CFAP74: variants seen among roughly 807,000 people sequenced by gnomAD.
The protein encoded by CFAP74 is cilia and flagella associated protein 74.
In CFAP74, 124 loss-of-function variants were observed where a neutral mutation model predicts 188.9. That is an observed-to-expected ratio of 0.66 (90% CI 0.57 to 0.76). The LOEUF is 0.76. Among genes scored for constraint, CFAP74 ranks in the 30% least tolerant of loss-of-function variants. CFAP74 has a pLI of 0.00. For missense variants in CFAP74, 2,198 were observed against 2,165.2 expected, an observed-to-expected ratio of 1.02 and a Z score of -0.30; for synonymous variants, 956 against 916.7, an observed-to-expected ratio of 1.04 and a Z score of -0.77.
rs1480680320 is a variant in CFAP74, at chr1:1,927,600, G to A, written c.3527+7C>T. ...GAAGCAGGTGGGGCAGCCCCTCCTG[G>A]ACCCACCTGGGCCTCAGCTCCCGCT... On this transcript the variant is annotated splice_region_variant and intron_variant, in intron 28 of 38. Coordinates refer to ENST00000682832, the MANE Select transcript of CFAP74 (RefSeq NM_001304360.2). The A allele has an allele frequency of 2.6e-6, 4 of 1,548,288 alleles. No individual in the cohort carries two copies. Among genetic ancestry groups the A allele is most frequent in the African/African-American group, 2.7e-5 (2 of 73,036 alleles).
chr1:1,927,531 A>T (rs1465904574), intron 28 of CFAP74, 76 bp downstream of exon 28: 1 of 1,327,976 alleles, frequency 7.5e-7, no homozygotes, highest in Non-Finnish European at 1.0e-6. Context: ...TAGGGAGGGG[A>T]CTCTACAGGG....
chr1:1,924,364 A>AC, intron 34 of CFAP74, 27 bp downstream of exon 34: 2 of 51,040 alleles, frequency 3.9e-5, no homozygotes, highest in South Asian at 1.0e-4. Context: ...CCCGCAGCTC[A>AC]CCACCCACCC....
Position 1,974,201 on chromosome 1 carries a change from T to C in CFAP74, c.501-3A>G. 6.3e-7 allele frequency: 1 copy of C among 1,588,020 alleles called. No individual in the cohort carries two copies. The highest frequency in any genetic ancestry group is 8.6e-7 in the Non-Finnish European group (1 of 1,163,584). On this transcript the variant is annotated splice_region_variant and splice_polypyrimidine_tract_variant and intron_variant, in intron 6 of 38. Transcript: ENST00000682832. ...TCTCGATGTGCCACATGGTGTTCCT[T>C]CAAACAAGAGGCAAAGCAGCTGGAG...
chr1:1,982,438 C>T (rs930175319), intron 6 of CFAP74, among the ~76,000 whole-genome samples: 9 of 152,240 alleles, frequency 5.9e-5, no homozygotes, highest in East Asian at 3.9e-4. Context: ...CACGGGGACA[C>T]GCATATGCAT....
chr1:1,953,569 T>C (rs1311852997), intron 18 of CFAP74: 1 of 153,622 alleles, frequency 6.5e-6, no homozygotes, highest in Non-Finnish European at 1.5e-5. Flanking sequence ...AGTTCTGGGA[T>C]TACAGGCATG....
intron 21 of CFAP74, among the ~76,000 whole-genome samples, chr1:1,943,062 A>G (rs1018420364): frequency 4.6e-5 from 7 of 152,050 alleles, no homozygotes; most frequent in African/African-American, 9.6e-5. Flanking sequence ...GTGCTCAGAG[A>G]CCGCGCCCTC....
chr1:1,963,311 C>T (rs914658862), intron 14 of CFAP74, among the ~76,000 whole-genome samples: 1 of 151,838 alleles, frequency 6.6e-6, no homozygotes, highest in African/African-American at 2.4e-5. Context: ...ATTAGCCAGG[C>T]GTAGTGGCAG....
rs911088330 is a variant in CFAP74, at chr1:1,959,728, C to T, written c.1761+236G>A. Among the ~76,000 whole-genome samples, 13 of 152,330 alleles carry T rather than the reference C, an allele frequency of 8.5e-5. No individual in the cohort carries two copies. In the East Asian group the frequency reaches 2.1e-3, roughly 25 times the overall value. ...CATCCCAGCCCTCCCGACTTAGACC[C>T]GAGAGTGCACGCCCTCGGCCACTAA... is the stretch of plus-strand genomic sequence containing the variant. On this transcript the variant is annotated intron_variant, in intron 15 of 38. Transcript: ENST00000682832.
intron 1 of CFAP74, among the ~76,000 whole-genome samples, chr1:1,993,410 A>G (rs1336695511): frequency 1.3e-5 from 2 of 151,312 alleles, no homozygotes; most frequent in East Asian, 2.0e-4. Flanking sequence ...TCAGCCTCCC[A>G]AAGGAGCTGG....
At chr1:1,998,076 G>C (rs373973564) in intron 1 of CFAP74, among the ~76,000 whole-genome samples, 2 of 152,128 alleles carry the variant, frequency 1.3e-5, no homozygotes, top group Admixed American at 1.3e-4. Flanking sequence ...TCAGGAGTTC[G>C]AGACCTGCCT....
chr1:1,968,753 C>A lies in CFAP74; in HGVS notation c.1127G>T (p.Arg376Met). 6.2e-7 allele frequency: 1 copy of A among 1,613,894 alleles called. No individual in the cohort carries two copies. The highest frequency in any genetic ancestry group is 1.1e-5 in the South Asian group (1 of 91,084). Reference sequence around the variant, plus strand: ...ACTGGTGGGGGGATGCTGTTTCTTCCTCTTTTCCTCCTCAGCCTCCTCTTT... The same window carrying A: ...ACTGGTGGGGGGATGCTGTTTCTTCATCTTTTCCTCCTCAGCCTCCTCTTT... ...ILKEEAEEEK[R>M]KKQHPPTSAR... is the part of the protein sequence containing the mutation. Residue 376 changes from arginine to methionine, a missense_variant, in exon 11 of 39, where the codon AGG becomes ATG. By Grantham distance (91) the Arg-to-Met change is moderately conservative. Coordinates refer to ENST00000682832, the MANE Select transcript of CFAP74 (RefSeq NM_001304360.2). This position sits in a 1 kb window ranked among gnomAD's most constrained non-coding sequence, Gnocchi z 4.3.
At position 1,923,178 on chromosome 1, in the gene CFAP74, G is replaced by T. The variant is rs1444503730; in HGVS notation, c.4523-33C>A. Reference sequence around the variant, plus strand: ...GGTGTGGCCAGGGGAGCTGTTCAGGGTCAGGCTGAGGCATGGGGTGAGGCT... The same window carrying T: ...GGTGTGGCCAGGGGAGCTGTTCAGGTTCAGGCTGAGGCATGGGGTGAGGCT... On this transcript the variant is annotated intron_variant, in intron 36 of 38. Transcript: ENST00000682832. The surrounding 1 kb of genome is among the most constrained non-coding windows in gnomAD (Gnocchi z 6.3). 2.5e-6 allele frequency: 4 copies of T among 1,580,856 alleles called. No individual in the cohort carries two copies. The highest frequency in any genetic ancestry group is 8.6e-7 in the Non-Finnish European group (1 of 1,166,122).
chr1:1,952,995 CT>C (rs1253244723), intron 18 of CFAP74, among the ~76,000 whole-genome samples: 1 of 152,110 alleles, frequency 6.6e-6, no homozygotes, highest in African/African-American at 2.4e-5. Context: ...CCAAATTGAT[CT>C]ATAGATTCAA....
chr1:1,996,543 C>T (rs918029349), intron 1 of CFAP74, among the ~76,000 whole-genome samples: 10 of 152,112 alleles, frequency 6.6e-5, no homozygotes, highest in East Asian at 5.8e-4. Flanking sequence ...TTTAAACATA[C>T]GAAAAAATAG....
intron 18 of CFAP74, chr1:1,953,738 G>A (rs1442900896): frequency 3.3e-5 from 5 of 153,546 alleles, no homozygotes; most frequent in African/African-American, 1.2e-4. Flanking sequence ...AATTTGAGGT[G>A]GATCATACAC....
At position 1,926,637 on chromosome 1, in the gene CFAP74, G is replaced by T; in HGVS notation, c.3772+15C>A. On this transcript the variant is annotated intron_variant, in intron 30 of 38. Coordinates refer to ENST00000682832, the MANE Select transcript of CFAP74 (RefSeq NM_001304360.2). The stretch of plus-strand genomic sequence containing the variant: ...GGCACCGGGGTGGAGGTGTGGGCGG[G>T]GCTTAGCGTCTCACCCACAGCGACG... The T allele has an allele frequency of 3.2e-6, 5 of 1,548,618 alleles. No individual in the cohort carries two copies. Among genetic ancestry groups the T allele is most frequent in the Non-Finnish European group, 4.4e-6 (5 of 1,145,498 alleles).
chr1:1,936,728 A>AC (rs1232582998), intron 25 of CFAP74, among the ~76,000 whole-genome samples: 1 of 151,770 alleles, frequency 6.6e-6, no homozygotes, highest in African/African-American at 2.4e-5. Flanking sequence ...ACATAGTGAG[A>AC]CCCCATCTCT....
chr1:1,934,162 AC>A (rs1266721923), intron 25 of CFAP74, among the ~76,000 whole-genome samples: 1 of 152,240 alleles, frequency 6.6e-6, no homozygotes, highest in Non-Finnish European at 1.5e-5. Flanking sequence ...AGTACTGGGT[AC>A]AGCAGCATGG....
intron 18 of CFAP74, among the ~76,000 whole-genome samples, chr1:1,952,907 C>T (rs1654292779): frequency 6.6e-6 from 1 of 152,166 alleles, no homozygotes; most frequent in Non-Finnish European, 1.5e-5. Flanking sequence ...ATCTTCCTGC[C>T]TTGGCCTCCC....
Sources: allele counts gnomAD v4.1 joint callset (sites outside exome capture counted in the v4.1 genomes callset), GRCh38; gene constraint gnomAD v4.1.1; non-coding constraint Gnocchi (gnomAD v3.1); transcripts MANE v1.5; gene names NCBI Gene and HGNC (gene_info 2026-07-23, HGNC 2026-07-21).